The following UCK2 variants were observed in gnomAD, a reference collection of about 807,000 sequenced individuals.
UCK2 encodes cytidine monophosphokinase 2.
A neutral mutation model predicts 30.8 loss-of-function variants in UCK2; 6 were observed. That is an observed-to-expected ratio of 0.19 (90% CI 0.11 to 0.38). UCK2 has a LOEUF of 0.38. UCK2 is among the 10% of genes least tolerant of loss of function. The pLI is 1.00. For synonymous variants in UCK2, 125 were observed against 133.6 expected (o/e 0.94, Z 0.45); for missense variants, 210 against 339.8 (o/e 0.62, Z 3.00).
chr1:165,885,475 T>TTGTATTTG (rs1189661130), intron 1 of UCK2: 3 of 396,330 alleles, frequency 7.6e-6, no homozygotes, highest in Non-Finnish European at 1.3e-5. Flanking sequence ...TCACCTAACT[T>TTGTATTTG]TGTATTTGGA....
intron 1 of UCK2, among the ~76,000 whole-genome samples, chr1:165,838,361 G>A (rs931633677): frequency 1.1e-4 from 16 of 152,184 alleles, no homozygotes; most frequent in African/African-American, 3.1e-4. Flanking sequence ...CAACAAGATC[G>A]GGAGGGCCCT....
chr1:165,831,868 C>A (rs1654057310), intron 1 of UCK2, among the ~76,000 whole-genome samples: 2 of 152,170 alleles, frequency 1.3e-5, no homozygotes, highest in South Asian at 4.1e-4. Context: ...TGGGTTCAAG[C>A]AATTCTCCTG....
At chr1:165,868,577 A>T (rs1655110606) in intron 1 of UCK2, among the ~76,000 whole-genome samples, 1 of 152,166 alleles carries the variant, frequency 6.6e-6, no homozygotes, top group African/African-American at 2.4e-5. Context: ...TTCTTAACTT[A>T]AGCCTCATGA....
At chr1:165,870,807 A>C (rs1655177997) in intron 1 of UCK2, among the ~76,000 whole-genome samples, 2 of 152,336 alleles carry the variant, frequency 1.3e-5, no homozygotes, top group South Asian at 4.1e-4. Flanking sequence ...GCTTCATTGG[A>C]CAAAAATTCC....
chr1:165,910,229 T>C lies in UCK2; in HGVS notation c.*2406T>C, dbSNP rs979409935. On this transcript the variant is annotated 3_prime_UTR_variant, in exon 7 of 7. Coordinates refer to ENST00000367879, the MANE Select transcript of UCK2 (RefSeq NM_012474.5). ...TGGCAGCCCAGCATTTGGCCAACTC[T>C]GTATCTGAACTTGAGCTTTCTATGG... 6.6e-6 allele frequency: 1 copy of C among 152,272 alleles called. No individual in the cohort carries two copies. The highest frequency in any genetic ancestry group is 1.5e-5 in the Non-Finnish European group (1 of 68,072). The allele number at this position is 152,272 out of a possible 1,614,324, so 9.4% of individuals were successfully genotyped here.
intron 1 of UCK2, among the ~76,000 whole-genome samples, chr1:165,856,808 C>T (rs1273180918): frequency 6.6e-6 from 1 of 152,026 alleles, no homozygotes; most frequent in Non-Finnish European, 1.5e-5. Context: ...TCAAATGTCA[C>T]TCTTGGCAGC....
intron 1 of UCK2, among the ~76,000 whole-genome samples, chr1:165,878,534 C>A (rs947398713): frequency 3.3e-5 from 5 of 151,984 alleles, no homozygotes; most frequent in African/African-American, 1.2e-4. Context: ...TTTGGTGAAA[C>A]CCCCTCTGGC....
chr1:165,867,967 T>C lies in UCK2; in HGVS notation c.100-22237T>C, dbSNP rs369425165. Among the ~76,000 whole-genome samples, 288 of 152,312 alleles carry C rather than the reference T, an allele frequency of 1.9e-3. 2 individuals carry two copies. The highest frequency in any genetic ancestry group is 6.3e-3 in the African/African-American group (261 of 41,564). On this transcript the variant is annotated intron_variant, in intron 1 of 6. Transcript: ENST00000367879. ...GCAGCTGTAGCCTTACGAAATGTAT[T>C]TCTTAAATAATAACTTGAAAGTCAA...
intron 1 of UCK2, among the ~76,000 whole-genome samples, chr1:165,834,018 T>G (rs1209699562): frequency 6.6e-6 from 1 of 152,184 alleles, no homozygotes; most frequent in African/African-American, 2.4e-5. Context: ...TTTAATGGTA[T>G]AAAATCTTTT....
At chr1:165,901,369 T>G (rs187527850) in intron 4 of UCK2, among the ~76,000 whole-genome samples, 31 of 152,372 alleles carry the variant, frequency 2.0e-4, no homozygotes, top group Admixed American at 3.3e-4. Flanking sequence ...TTTTCTCACC[T>G]TCTCATCTTA....
Position 165,827,627 on chromosome 1 carries a change from GC to G in UCK2, c.-205del. ...TCTGCCTGGGATGTAAACCGGACCA[GC>G]CGCTGCGGGCAAAGGAAGGCTCTTG... On this transcript the variant is annotated 5_prime_UTR_variant, in exon 1 of 7. Transcript: ENST00000367879. 1 of 386,522 alleles carries G rather than the reference GC, an allele frequency of 2.6e-6. No homozygotes were observed. Among genetic ancestry groups the G allele is most frequent in the Non-Finnish European group, 4.5e-6 (1 of 220,784 alleles). The allele number at this position is 386,522 out of a possible 1,614,324, so 23.9% of individuals were successfully genotyped here.
At chr1:165,876,070 G>A (rs1005282212) in intron 1 of UCK2, among the ~76,000 whole-genome samples, 1 of 152,216 alleles carries the variant, frequency 6.6e-6, no homozygotes, top group African/African-American at 2.4e-5. Context: ...GAACCTGGTT[G>A]AAAACCATTA....
At chr1:165,906,257 C>T (rs1484278144) in intron 6 of UCK2, among the ~76,000 whole-genome samples, 1 of 152,246 alleles carries the variant, frequency 6.6e-6, no homozygotes, top group Non-Finnish European at 1.5e-5. Context: ...CACTTGGGTA[C>T]TTTGCTTCTG....
intron 1 of UCK2, among the ~76,000 whole-genome samples, chr1:165,857,175 G>T (rs768431003): frequency 1.3e-5 from 2 of 152,072 alleles, no homozygotes; most frequent in Non-Finnish European, 2.9e-5. Context: ...ACTCAGAGAG[G>T]AAGTGCCTTC....
At position 165,907,986 on chromosome 1, in the gene UCK2, G is replaced by T. The variant is rs770734900; in HGVS notation, c.*163G>T. ...TTTTTTTCTTTTTGTACTTTGGAAC[G>T]ACAAAATGAAACAGAACTTGACCCT... is the stretch of plus-strand genomic sequence containing the variant. On this transcript the variant is annotated 3_prime_UTR_variant, in exon 7 of 7. Transcript: ENST00000367879. The T allele has an allele frequency of 2.9e-6, 3 of 1,050,314 alleles. No homozygotes were observed. The African/African-American group carries it at 4.8e-5, about 17-fold the overall frequency. 65.1% of individuals were successfully genotyped at this position (1,050,314 alleles called of 1,614,324 possible). A position where few individuals can be genotyped will look rare whatever the true frequency, so the allele number is the denominator to read the frequency against.
intron 1 of UCK2, among the ~76,000 whole-genome samples, chr1:165,830,928 T>G (rs1654031932): frequency 6.6e-6 from 1 of 151,900 alleles, no homozygotes; most frequent in Admixed American, 6.6e-5. Context: ...AAAACCAGAT[T>G]CTCAGCTTGG....
At chr1:165,827,968 C>T (rs1353435712) in intron 1 of UCK2, 36 bp downstream of exon 1, 49 of 1,284,738 alleles carry the variant, frequency 3.8e-5, no homozygotes, top group East Asian at 2.9e-4. Context: ...CCCTTCCCGG[C>T]TTCTGTCCCT....
intron 1 of UCK2, among the ~76,000 whole-genome samples, chr1:165,888,683 G>A (rs1655686530): frequency 9.9e-6 from 1 of 100,584 alleles, no homozygotes; most frequent in South Asian, 3.5e-4. Context: ...GGGTCTCACT[G>A]TGTTGCCCAG....
chr1:165,865,581 C>T (rs759139022), intron 1 of UCK2, among the ~76,000 whole-genome samples: 3 of 151,866 alleles, frequency 2.0e-5, no homozygotes, highest in Non-Finnish European at 4.4e-5. Context: ...GATAGACTTC[C>T]TATATTATAT....
Sources: gnomAD v4.1 joint callset for allele counts (sites outside exome capture counted in the v4.1 genomes callset) on GRCh38, gnomAD v4.1.1 for gene constraint, MANE v1.5 for transcripts, NCBI Gene and HGNC (gene_info 2026-07-23, HGNC 2026-07-21) for gene names.